Variants in RABEP2 observed in about 807,000 individuals in gnomAD.
The protein encoded by RABEP2 is rab GTPase-binding effector protein 2.
RABEP2 carries 57 observed loss-of-function variants against 74.1 expected under a neutral mutation model. That is an observed-to-expected ratio of 0.77 (90% CI 0.62 to 0.96). The LOEUF is 0.96. Among genes scored for constraint, RABEP2 ranks in the 40% least tolerant of loss-of-function variants. RABEP2 has a pLI of 0.00. For missense variants in RABEP2, 692 were observed against 756.3 expected (o/e 0.91, Z 1.00); for synonymous variants, 351 against 344.0 (o/e 1.02, Z -0.23).
intron 5 of RABEP2, among the ~76,000 whole-genome samples, chr16:28,913,937 T>C (rs1171317217): frequency 7.3e-6 from 1 of 137,438 alleles, no homozygotes; most frequent in Admixed American, 7.5e-5. Context: ...TATACTTGGC[T>C]TTTTTTTTTT....
intron 3 of RABEP2, 109 bp downstream of exon 3, chr16:28,919,677 T>C: frequency 7.7e-7 from 1 of 1,295,712 alleles, no homozygotes; most frequent in Non-Finnish European, 1.1e-6. Flanking sequence ...GTGCTATTCC[T>C]AGAATCACTG....
Position 28,914,660 on chromosome 16 carries a change from C to G in RABEP2, c.543+12G>C, listed in dbSNP as rs1163588398. ...CCCCTCCTTCCCCAGCGCCCCCTGG[C>G]CGTGCCCTCACCTGGATCTCCTGAA... On this transcript the variant is annotated intron_variant, in intron 4 of 12. Transcript: ENST00000358201. The G allele has an allele frequency of 6.2e-7, 1 of 1,613,730 alleles. No individual in the cohort carries two copies. Among genetic ancestry groups the G allele is most frequent in the Non-Finnish European group, 8.5e-7 (1 of 1,179,708 alleles).
intron 7 of RABEP2, 31 bp from the exon 8 acceptor site, chr16:28,908,795 A>C (rs1964272021): frequency 6.2e-7 from 1 of 1,607,768 alleles, no homozygotes; most frequent in Admixed American, 1.7e-5. Flanking sequence ...TAAGGCAATG[A>C]AGAGGACAGG....
In RABEP2 at chr16:28,910,690, G is replaced by A. The variant is rs1964299305; in HGVS notation, c.1089+198C>T. ...AGCTCAAGATCAAACAGCTCTGTGT[G>A]GCTGCAGGGGCCCTGTTCTGGCCAC... On this transcript the variant is annotated intron_variant, in intron 7 of 12. Coordinates refer to ENST00000358201, the MANE Select transcript of RABEP2 (RefSeq NM_024816.3). The A allele has an allele frequency of 2.9e-5, 16 of 560,456 alleles. No individual in the cohort carries two copies. In the East Asian group the frequency reaches 4.8e-4, roughly 17 times the overall value. The allele number at this position is 560,456 out of a possible 1,614,324, so 34.7% of individuals were successfully genotyped here.
Position 28,925,131 on chromosome 16 carries a change from G to A in RABEP2, c.33C>T (p.Asp11=), listed in dbSNP as rs750733769. ...CCCCCGGCCGCCGCCGCCGCTCATC[G>A]TCGTCCGCGGCCACCGGCGCAGCTG... is the stretch of plus-strand genomic sequence containing the variant. The part of the protein sequence containing the change: MAAAAPVAAD[D]DERRRRPGAA... The change falls in exon 1 of 13, where the codon GAC becomes GAT. Residue 11 remains aspartate (D), a synonymous_variant. Transcript: ENST00000358201. 2.0e-6 allele frequency: 3 copies of A among 1,533,838 alleles called. No individual in the cohort carries two copies. Among genetic ancestry groups the A allele is most frequent in the East Asian group, 2.5e-5 (1 of 40,524 alleles).
chr16:28,914,741 G>T lies in RABEP2; in HGVS notation c.474C>A (p.Pro158=). The part of the protein sequence containing the change: ...DSEKLREIVL[P]MEKEIEELKA... ...TCAGCTCCTCGATCTCCTTTTCCATGGGCAGTACGATCTCCCGCAGCTTCT... is the reference window on the plus strand; with the variant it reads ...TCAGCTCCTCGATCTCCTTTTCCATTGGCAGTACGATCTCCCGCAGCTTCT... Residue 158 remains proline, a synonymous_variant, in exon 4 of 13, where the codon CCC becomes CCA. Coordinates refer to ENST00000358201, the MANE Select transcript of RABEP2 (RefSeq NM_024816.3). The T allele has an allele frequency of 6.2e-7, 1 of 1,614,106 alleles. No homozygotes were observed.
At chr16:28,920,660 A>ATAG (rs1407443200) in intron 2 of RABEP2, among the ~76,000 whole-genome samples, 1 of 152,020 alleles carries the variant, frequency 6.6e-6, no homozygotes, top group African/African-American at 2.4e-5. Flanking sequence ...TGCTGGGATT[A>ATAG]TAGGCGTGAG....
chr16:28,922,548 C>T (rs1278573453), intron 2 of RABEP2, among the ~76,000 whole-genome samples: 1 of 151,924 alleles, frequency 6.6e-6, no homozygotes, highest in South Asian at 2.1e-4. Context: ...AGTGAAACCC[C>T]GTCTCTACTA....
At chr16:28,905,960 C>T in intron 9 of RABEP2, 59 bp downstream of exon 9, 1 of 1,612,278 alleles carries the variant, frequency 6.2e-7, no homozygotes, top group East Asian at 2.2e-5. Flanking sequence ...CCGGTGGCTC[C>T]CTGCAAGGCC....
chr16:28,923,574 A>C (rs2152224354), intron 2 of RABEP2, among the ~76,000 whole-genome samples: 1 of 152,366 alleles, frequency 6.6e-6, no homozygotes, highest in South Asian at 2.1e-4. Context: ...TAAACAGCAC[A>C]GTAAGTTGTA....
At position 28,910,978 on chromosome 16, in the gene RABEP2, C is replaced by T. The variant is rs778462568; in HGVS notation, c.999G>A (p.Val333=). 4 of 1,610,622 alleles carry T rather than the reference C, an allele frequency of 2.5e-6. No homozygotes were observed. Among genetic ancestry groups the T allele is most frequent in the African/African-American group, 1.3e-5 (1 of 74,882 alleles). Residue 333 remains valine (V), a synonymous_variant, in exon 7 of 13, where the codon GTG becomes GTA. Coordinates refer to ENST00000358201, the MANE Select transcript of RABEP2 (RefSeq NM_024816.3). ...CTGAGTTCTGGACCTGGGCCAGGAG[C>T]ACCTGCATCTGGGTTGGAGGGAGGG... The part of the protein sequence containing the change: ...SNEDCAKQMQ[V]LLAQVQNSEQ...
In RABEP2 at chr16:28,904,798, G is replaced by A. The variant is rs890254486; in HGVS notation, c.*145C>T. ...ACCCTGGGAGGAGGCGCTGGAGGGC[G>A]GGGCGGTGGTGGCCCCCGTCAGTCC... is the stretch of plus-strand genomic sequence containing the variant. On this transcript the variant is annotated 3_prime_UTR_variant, in exon 13 of 13. Transcript: ENST00000358201. 11 of 698,040 alleles carry A rather than the reference G, an allele frequency of 1.6e-5. No individual in the cohort carries two copies. The highest frequency in any genetic ancestry group is 5.8e-5 in the Admixed American group (2 of 34,548). 43.2% of individuals were successfully genotyped at this position (698,040 alleles called of 1,614,324 possible). A position where few individuals can be genotyped will look rare whatever the true frequency, so the allele number is the denominator to read the frequency against.
At chr16:28,922,809 G>A (rs1019285412) in intron 2 of RABEP2, among the ~76,000 whole-genome samples, 5 of 151,778 alleles carry the variant, frequency 3.3e-5, no homozygotes, top group Admixed American at 6.6e-5. Flanking sequence ...AAGGAGAATC[G>A]CTTGAACCCG....
chr16:28,906,992 G>T (rs909694486), intron 8 of RABEP2, among the ~76,000 whole-genome samples: 1 of 151,944 alleles, frequency 6.6e-6, no homozygotes, highest in Non-Finnish European at 1.5e-5. Context: ...AAACCCTTTT[G>T]TAAAGCTCAA....
chr16:28,920,629 G>A lies in RABEP2; in HGVS notation c.275-686C>T, dbSNP rs1446800396. Reference sequence around the variant, plus strand: ...TTGAACTCCTGACCTCAAGCGATCCGCCCGCCTTGGCCTCCCAAAGTGCTG... The same window carrying A: ...TTGAACTCCTGACCTCAAGCGATCCACCCGCCTTGGCCTCCCAAAGTGCTG... On this transcript the variant is annotated intron_variant, in intron 2 of 12. Transcript: ENST00000358201. 1.3e-4 allele frequency among the ~76,000 whole-genome samples: 19 copies of A among 151,306 alleles called. 1 individual carries two copies. The highest frequency in any genetic ancestry group is 1.2e-3 in the Admixed American group (18 of 15,192).
At chr16:28,912,853 C>A in intron 5 of RABEP2, among the ~76,000 whole-genome samples, 1 of 152,142 alleles carries the variant, frequency 6.6e-6, no homozygotes, top group East Asian at 1.9e-4. Context: ...TCTTTCTGGT[C>A]TCCTCTTCTC....
intron 5 of RABEP2, among the ~76,000 whole-genome samples, chr16:28,912,406 C>CTTTTT (rs58094012): frequency 4.2e-5 from 5 of 118,148 alleles, no homozygotes; most frequent in South Asian, 2.6e-4. Context: ...TTCTTTCTTT[C>CTTTTT]TTTTTTTTTT....
rs1376064400 is a variant in RABEP2, at chr16:28,905,443, C to A, written c.1562G>T (p.Ser521Ile). 3.7e-5 allele frequency: 60 copies of A among 1,607,952 alleles called. 1 individual carries two copies. In the East Asian group the frequency reaches 1.3e-3, roughly 35 times the overall value. ...CACGAAATCCCTCTGCACCTGCTCA[C>A]TGGTCTCCAGCTCTGCCTGCAGCCG... ...VLRLQAELET[S>I]EQVQRDFVRL... Residue 521 changes from serine (S) to isoleucine (I), a missense_variant, in exon 12 of 13, where the codon AGT becomes ATT. By Grantham distance (142) the Ser-to-Ile change is moderately radical (BLOSUM62 -2). Coordinates refer to ENST00000358201, the MANE Select transcript of RABEP2 (RefSeq NM_024816.3).
intron 1 of RABEP2, 62 bp from the exon 2 acceptor site, chr16:28,924,677 G>T: frequency 1.4e-6 from 2 of 1,453,490 alleles, no homozygotes; most frequent in Non-Finnish European, 1.9e-6. Flanking sequence ...TACCGGCTTA[G>T]CAAGTCCTGC....
Sources: allele counts gnomAD v4.1 joint callset (sites outside exome capture counted in the v4.1 genomes callset), GRCh38; gene constraint gnomAD v4.1.1; transcripts MANE v1.5; gene names NCBI Gene and HGNC (gene_info 2026-07-23, HGNC 2026-07-21).